The following FBXL17 variants were observed in gnomAD, a reference collection of about 807,000 sequenced individuals.
The protein encoded by FBXL17 is F-box and leucine rich repeat protein 17, also known as F-box/LRR-repeat protein 17.
Under a neutral mutation model 66.2 loss-of-function variants are expected in FBXL17, and 22 were observed. The ratio of observed to expected loss-of-function variants is 0.33; its 90% confidence interval spans 0.24 to 0.47. The LOEUF (loss-of-function observed/expected upper bound fraction) is 0.47, where lower values mean the gene tolerates loss of function less well. Among genes scored for constraint, FBXL17 ranks in the 20% least tolerant of loss-of-function variants. FBXL17 has a pLI of 1.00. For synonymous variants in FBXL17, 474 were observed against 400.5 expected (o/e 1.18, Z -2.19); for missense variants, 878 against 948.2 (o/e 0.93, Z 0.97).
At chr5:107,910,821 T>C (rs1180554833) in intron 7 of FBXL17, among the ~76,000 whole-genome samples, 3 of 152,038 alleles carry the variant, frequency 2.0e-5, no homozygotes, top group African/African-American at 7.2e-5. Flanking sequence ...AAAAAAGTTA[T>C]ATAGGAATAA....
chr5:108,185,570 T>C (rs1232566221), intron 6 of FBXL17, among the ~76,000 whole-genome samples: 2 of 152,084 alleles, frequency 1.3e-5, no homozygotes, highest in East Asian at 1.9e-4. Flanking sequence ...AATGCTAGAA[T>C]GGGCTAATAT....
chr5:108,163,527 A>G (rs1331980869), intron 6 of FBXL17, among the ~76,000 whole-genome samples: 1 of 150,140 alleles, frequency 6.7e-6, no homozygotes, highest in Non-Finnish European at 1.5e-5. Context: ...CAGCCTCCCG[A>G]GTAGCGGGGA....
In FBXL17 at chr5:107,945,663, T is replaced by C. The variant is rs1751258353; in HGVS notation, c.1823-64484A>G. ...ACAATTTACATAAAATTTCAAAATCTGCAAAGGAATGATATACATTGTTTA... is the reference window on the plus strand; with the variant it reads ...ACAATTTACATAAAATTTCAAAATCCGCAAAGGAATGATATACATTGTTTA... On this transcript the variant is annotated intron_variant, in intron 7 of 8. Transcript: ENST00000542267. Among the ~76,000 whole-genome samples, 4 of 152,120 alleles carry C rather than the reference T, an allele frequency of 2.6e-5. 1 individual carries two copies. Among genetic ancestry groups the C allele is most frequent in the African/African-American group, 9.7e-5 (4 of 41,438 alleles).
intron 7 of FBXL17, among the ~76,000 whole-genome samples, chr5:108,004,731 T>A (rs927784090): frequency 6.6e-6 from 1 of 152,208 alleles, no homozygotes; most frequent in Admixed American, 6.5e-5. Context: ...CCTATAGCTC[T>A]GAAGCTTGAA....
intron 6 of FBXL17, among the ~76,000 whole-genome samples, chr5:108,122,180 A>G (rs1750529945): frequency 6.6e-6 from 1 of 152,150 alleles, no homozygotes; most frequent in Admixed American, 6.5e-5. Context: ...TAATTTATGA[A>G]GTACTAAGTA....
chr5:108,066,907 T>C (rs1286419841), intron 6 of FBXL17, among the ~76,000 whole-genome samples: 2 of 152,044 alleles, frequency 1.3e-5, no homozygotes, highest in South Asian at 4.1e-4. Flanking sequence ...TCTTTGAATA[T>C]TGAAAATGAG....
intron 7 of FBXL17, among the ~76,000 whole-genome samples, chr5:107,936,072 A>C (rs972894649): frequency 1.3e-5 from 2 of 152,204 alleles, no homozygotes; most frequent in Non-Finnish European, 2.9e-5. Flanking sequence ...GCCACTTTGC[A>C]GTATGCAATC....
intron 4 of FBXL17, among the ~76,000 whole-genome samples, chr5:108,314,739 A>C (rs189877971): frequency 2.0e-5 from 3 of 151,606 alleles, no homozygotes; most frequent in Admixed American, 1.3e-4. Flanking sequence ...ATCAGGCAAG[A>C]AAGTTATTAA....
chr5:108,324,016 C>T (rs779797136), intron 4 of FBXL17, among the ~76,000 whole-genome samples: 1 of 151,894 alleles, frequency 6.6e-6, no homozygotes, highest in Non-Finnish European at 1.5e-5. Flanking sequence ...AGCTTTACAA[C>T]GTTGAATTTG....
At chr5:108,211,375 T>C (rs1754363170) in intron 5 of FBXL17, among the ~76,000 whole-genome samples, 1 of 152,196 alleles carries the variant, frequency 6.6e-6, no homozygotes, top group Non-Finnish European at 1.5e-5. Context: ...ATTATGATGC[T>C]AGCTGGTTCT....
chr5:108,122,772 G>A (rs988313511), intron 6 of FBXL17, among the ~76,000 whole-genome samples: 5 of 152,104 alleles, frequency 3.3e-5, no homozygotes, highest in Non-Finnish European at 7.3e-5. Flanking sequence ...AAATGCCCAC[G>A]AGGAACTGCC....
intron 4 of FBXL17, among the ~76,000 whole-genome samples, chr5:108,280,008 A>C (rs1221258880): frequency 1.3e-5 from 2 of 152,100 alleles, no homozygotes; most frequent in Non-Finnish European, 2.9e-5. Context: ...AATTATTGGA[A>C]TACCTAAGGA....
chr5:108,141,257 G>C (rs1004569448), intron 6 of FBXL17, among the ~76,000 whole-genome samples: 1 of 151,998 alleles, frequency 6.6e-6, no homozygotes, highest in African/African-American at 2.4e-5. Context: ...TCTCAGGTCC[G>C]GTGTTTTTCC....
At chr5:108,021,174 T>G (rs1373036473) in intron 6 of FBXL17, among the ~76,000 whole-genome samples, 173 bp from the exon 7 acceptor site, 3 of 151,808 alleles carry the variant, frequency 2.0e-5, no homozygotes, top group Non-Finnish European at 4.4e-5. Flanking sequence ...CCTAAATGAC[T>G]TTATTTAAAT....
At chr5:108,012,582 A>T (rs1754216379) in intron 7 of FBXL17, among the ~76,000 whole-genome samples, 1 of 152,230 alleles carries the variant, frequency 6.6e-6, no homozygotes, top group South Asian at 2.1e-4. Context: ...GCTAATAATA[A>T]ATACAACACT....
intron 6 of FBXL17, among the ~76,000 whole-genome samples, chr5:108,083,686 G>T (rs1748862859): frequency 1.3e-5 from 2 of 151,968 alleles, no homozygotes; most frequent in Non-Finnish European, 2.9e-5. Flanking sequence ...GAGATTACAG[G>T]CATGAGCCAC....
intron 7 of FBXL17, among the ~76,000 whole-genome samples, chr5:107,891,695 A>G (rs1749202606): frequency 6.6e-6 from 1 of 152,174 alleles, no homozygotes; most frequent in Non-Finnish European, 1.5e-5. Flanking sequence ...AATTTCTTAC[A>G]TGGAATTTTA....
rs547024552 is a variant in FBXL17, at chr5:108,147,240, C to T, written c.1745+38877G>A. ...GAGTTTTCCCAACATCCAGCATAAA[C>T]TCGAAGCAGAAAAAATAAAAGTTGA... On this transcript the variant is annotated intron_variant, in intron 6 of 8. Transcript: ENST00000542267. Among the ~76,000 whole-genome samples the T allele has an allele frequency of 4.6e-5, 7 of 152,306 alleles. No individual in the cohort carries two copies. The South Asian group carries it at 1.5e-3, about 32-fold the overall frequency.
At chr5:107,973,354 A>ATTTTTTTTTTTTTTTT (rs200079422) in intron 7 of FBXL17, among the ~76,000 whole-genome samples, 6 of 120,458 alleles carry the variant, frequency 5.0e-5, no homozygotes, top group South Asian at 5.3e-4. Context: ...TTTTTTTGTA[A>ATTTTTTTTTTTTTTTT]TTTTTTTTTT....
Sources: allele counts gnomAD v4.1 joint callset (sites outside exome capture counted in the v4.1 genomes callset), GRCh38; gene constraint gnomAD v4.1.1; transcripts MANE v1.5; gene names NCBI Gene and HGNC (gene_info 2026-07-23, HGNC 2026-07-21).